Variants in ZMIZ1 observed in about 807,000 individuals in gnomAD.
ZMIZ1 encodes the protein zinc finger MIZ-type containing 1.
Under a neutral mutation model 113.9 loss-of-function variants are expected in ZMIZ1, and 17 were observed. The ratio of observed to expected loss-of-function variants is 0.15; its 90% CI spans 0.10 to 0.22. ZMIZ1 has a LOEUF of 0.22. ZMIZ1 is among the 10% of genes least tolerant of loss of function. The pLI is 1.00. For synonymous variants in ZMIZ1, 607 were observed against 603.1 expected (o/e 1.01, Z -0.09); for missense variants, 1,059 against 1,477.8 (o/e 0.72, Z 4.65).
rs770316858 is a variant in ZMIZ1 at position 79,310,980 on chromosome 10, C to A, written c.2892C>A (p.His964Gln). Residue 964 changes from histidine to glutamine, a missense_variant, in exon 24 of 25, where the codon CAC (histidine) becomes CAA (glutamine). This residue lies in a region of ZMIZ1 where 225 missense variants were observed against 276.0 expected (regional missense o/e 0.82). Transcript: ENST00000334512. ...QPHPSIQQGL[H>Q]VPHPSSQSGP... ...ACCCCTCCATACAACAAGGTTTGCA[C>A]GTACCACACCCCAGCAGCCAGTCAG... The A allele has an allele frequency of 1.2e-6, 2 of 1,614,044 alleles. No homozygotes were observed. Among genetic ancestry groups the A allele is most frequent in the Admixed American group, 3.3e-5 (2 of 60,026 alleles).
intron 22 of ZMIZ1, 31 bp from the exon 23 acceptor site, chr10:79,307,374 C>A: frequency 1.9e-6 from 3 of 1,555,116 alleles, no homozygotes; most frequent in African/African-American, 2.7e-5. Context: ...TCTGGGTGAC[C>A]CCCTCCCCTC....
At chr10:79,283,506 C>T (rs1408379218) in intron 8 of ZMIZ1, among the ~76,000 whole-genome samples, 1 of 152,244 alleles carries the variant, frequency 6.6e-6, no homozygotes, top group East Asian at 1.9e-4. Context: ...TATTCATGGC[C>T]AAACAAGAAA....
chr10:79,110,489 G>A (rs1050053454), intron 1 of ZMIZ1, among the ~76,000 whole-genome samples: 1 of 152,132 alleles, frequency 6.6e-6, no homozygotes, highest in Admixed American at 6.5e-5. Flanking sequence ...TTCTTCCAGG[G>A]AACTGAGAGG....
At chr10:79,269,421 G>T (rs1228092987) in intron 7 of ZMIZ1, among the ~76,000 whole-genome samples, 1 of 145,280 alleles carries the variant, frequency 6.9e-6, no homozygotes, top group Admixed American at 6.8e-5. Flanking sequence ...GGGGTCTCCT[G>T]GGTCTCAGAA....
In ZMIZ1 at chr10:79,100,549, C is replaced by T. The variant is rs138721763; in HGVS notation, c.-336-18366C>T. ...TCACATCCCAGAGGGCCTTGAATGC[C>T]GAATGGAGTTTATCCTTGACTCAGG... On this transcript the variant is annotated intron_variant, in intron 1 of 24. Transcript: ENST00000334512. 5.1e-4 allele frequency among the ~76,000 whole-genome samples: 77 copies of T among 152,070 alleles called. 1 individual carries two copies. The highest frequency in any genetic ancestry group is 6.9e-3 in the Middle Eastern group (2 of 290).
chr10:79,293,253 C>A, intron 11 of ZMIZ1, 128 bp from the exon 12 acceptor site: 1 of 1,340,006 alleles, frequency 7.5e-7, no homozygotes. Flanking sequence ...CCAGTCACTG[C>A]CGCACAGGAC....
At chr10:79,215,956 TA>T in intron 6 of ZMIZ1, among the ~76,000 whole-genome samples, 1 of 152,236 alleles carries the variant, frequency 6.6e-6, no homozygotes, top group East Asian at 1.9e-4. Context: ...GGGAAACCCC[TA>T]AGGACGGGGC....
intron 7 of ZMIZ1, among the ~76,000 whole-genome samples, chr10:79,269,492 T>TACAC (rs1851819337): frequency 1.3e-5 from 1 of 76,632 alleles, no homozygotes; most frequent in Non-Finnish European, 3.0e-5. Flanking sequence ...CACACACACT[T>TACAC]TCTCTGTTCT....
intron 4 of ZMIZ1, among the ~76,000 whole-genome samples, chr10:79,187,443 C>T (rs1847396327): frequency 6.6e-6 from 1 of 152,190 alleles, no homozygotes; most frequent in South Asian, 2.1e-4. Context: ...GCCTCAGGTT[C>T]CTCTTCTGTG....
intron 12 of ZMIZ1, 24 bp downstream of exon 12, chr10:79,293,677 G>A (rs755699629): frequency 1.9e-6 from 3 of 1,613,130 alleles, no homozygotes; most frequent in Non-Finnish European, 2.5e-6. Context: ...TGGGAGCCTG[G>A]GAGGTGGGAA....
In ZMIZ1 at chr10:79,307,511, G is replaced by A. The variant is rs142102877; in HGVS notation, c.2775G>A (p.Pro925=). ...GGCCCCCCCAGCTCTCCCACCCCCC[G>A]GACATGCCCAACAACATGGCCGCCC... ...MHGPPQLSHP[P]DMPNNMAALE... Residue 925 remains proline, a synonymous_variant, in exon 23 of 25, where the codon CCG becomes CCA. Transcript: ENST00000334512. The A allele has an allele frequency of 5.3e-5, 80 of 1,508,772 alleles. No homozygotes were observed. In the African/African-American group the frequency reaches 9.8e-4, roughly 19 times the overall value. 93.5% of individuals were successfully genotyped at this position (1,508,772 alleles called of 1,614,324 possible).
intron 2 of ZMIZ1, among the ~76,000 whole-genome samples, chr10:79,136,114 C>T (rs1844998160): frequency 6.6e-6 from 1 of 152,220 alleles, no homozygotes; most frequent in Admixed American, 6.5e-5. Context: ...ATCTGCCCCA[C>T]CCCTCCAGAA....
intron 1 of ZMIZ1, among the ~76,000 whole-genome samples, chr10:79,081,211 C>T (rs1051281626): frequency 1.3e-5 from 2 of 152,280 alleles, no homozygotes; most frequent in Admixed American, 1.3e-4. Context: ...GAAGTCTCTT[C>T]CATTCTCTGC....
chr10:79,218,603 G>GTGTGTGTGTGTGTGTGTC (rs1554818334), intron 7 of ZMIZ1, among the ~76,000 whole-genome samples: 1 of 151,730 alleles, frequency 6.6e-6, no homozygotes, highest in African/African-American at 2.4e-5. Context: ...GTGTGTGTGT[G>GTGTGTGTGTGTGTGTGTC]TGTCTGTCTG....
intron 7 of ZMIZ1, among the ~76,000 whole-genome samples, chr10:79,242,216 G>C (rs1849869257): frequency 6.6e-6 from 1 of 152,162 alleles, no homozygotes; most frequent in Non-Finnish European, 1.5e-5. Flanking sequence ...CCTTGCGACA[G>C]ACTGGCTGGA....
intron 23 of ZMIZ1, among the ~76,000 whole-genome samples, chr10:79,310,646 C>G (rs971961244): frequency 3.3e-5 from 5 of 152,058 alleles, no homozygotes; most frequent in African/African-American, 1.2e-4. Flanking sequence ...GGCCCAGCTC[C>G]CCGTGTCTGT....
chr10:79,179,071 C>T (rs1429470204), intron 4 of ZMIZ1, among the ~76,000 whole-genome samples: 1 of 152,250 alleles, frequency 6.6e-6, no homozygotes, highest in Non-Finnish European at 1.5e-5. Flanking sequence ...TCTTAAACAT[C>T]TGCTATCTCT....
chr10:79,102,232 C>T (rs880031), intron 1 of ZMIZ1, among the ~76,000 whole-genome samples: 36,474 of 152,224 alleles, frequency 0.24, 4,828 homozygotes, highest in Non-Finnish European at 0.31. Context: ...AGAAGGCGTG[C>T]AGTGGGGAAC....
At chr10:79,148,646 G>T (rs1845588539) in intron 3 of ZMIZ1, among the ~76,000 whole-genome samples, 1 of 122,654 alleles carries the variant, frequency 8.2e-6, no homozygotes, top group African/African-American at 3.6e-5. Flanking sequence ...TCTGGGCCGG[G>T]GTTTTTAATA....
Sources: gnomAD v4.1 joint callset for allele counts (sites outside exome capture counted in the v4.1 genomes callset) on GRCh38, gnomAD v4.1.1 for gene constraint, gnomAD v4.1.1 regional missense constraint, MANE v1.5 for transcripts, NCBI Gene and HGNC (gene_info 2026-07-23, HGNC 2026-07-21) for gene names.